NOVA1: variants seen among roughly 807,000 people sequenced by gnomAD.
NOVA1 encodes the protein NOVA alternative splicing regulator 1, also known as RNA-binding protein Nova-1.
Under a neutral mutation model 38.0 loss-of-function variants are expected in NOVA1, and 7 were observed. That is an observed-to-expected ratio of 0.18 (90% CI 0.10 to 0.35). NOVA1 has a LOEUF of 0.35. Among genes scored for constraint, NOVA1 ranks in the 10% least tolerant of loss-of-function variants. The probability of loss-of-function intolerance (pLI) is 1.00; values close to 1 mark genes in which losing one functional copy is unlikely to be tolerated. For missense variants in NOVA1, 460 were observed against 616.0 expected (o/e 0.75, Z 2.68); for synonymous variants, 270 against 232.5 (o/e 1.16, Z -1.47).
At chr14:26,502,225 A>G (rs1472554009) in intron 2 of NOVA1, among the ~76,000 whole-genome samples, 2 of 151,660 alleles carry the variant, frequency 1.3e-5, no homozygotes, top group Admixed American at 6.6e-5. Context: ...CTAATCATGG[A>G]TATTATATGG....
intron 2 of NOVA1, chr14:26,592,749 A>T (rs558076773): frequency 1.3e-4 from 19 of 151,886 alleles, no homozygotes; most frequent in African/African-American, 4.6e-4. Flanking sequence ...AAAACAAATA[A>T]GCATACAAGG....
At chr14:26,590,569 C>T (rs1018836275) in intron 2 of NOVA1, among the ~76,000 whole-genome samples, 18 of 151,748 alleles carry the variant, frequency 1.2e-4, no homozygotes, top group African/African-American at 4.4e-4. Context: ...GCAAAAAACT[C>T]CCAAACAATA....
chr14:26,549,829 G>C (rs887081274), intron 2 of NOVA1: 22 of 1,000,878 alleles, frequency 2.2e-5, no homozygotes, highest in Non-Finnish European at 2.9e-5. Context: ...CACCTCAGAA[G>C]TGGCTGCAAT....
intron 4 of NOVA1, among the ~76,000 whole-genome samples, chr14:26,467,503 T>C (rs1053158210): frequency 6.6e-6 from 1 of 152,084 alleles, no homozygotes; most frequent in Non-Finnish European, 1.5e-5. Flanking sequence ...GTAGAAGAAA[T>C]AGGGCATTAG....
In NOVA1 at chr14:26,448,885, G is replaced by T. The variant is rs1882364444; in HGVS notation, c.598C>A (p.Gln200Lys). 1 of 1,613,922 alleles carries T rather than the reference G, an allele frequency of 6.2e-7. No homozygotes were observed. ...GGATVKAVME[Q>K]SGAWVQLSQK... is the part of the protein sequence containing the mutation. The stretch of plus-strand genomic sequence containing the variant: ...GAAAGCTGCACCCAAGCCCCTGACT[G>T]CTCCATTACAGCCTTCACAGTAGCA... The change falls in exon 5 of 5, where the codon CAG becomes AAG. Residue 200 changes from glutamine to lysine, a missense_variant. Gln to Lys is a moderately conservative substitution (Grantham distance 53). Coordinates refer to ENST00000539517, the MANE Select transcript of NOVA1 (RefSeq NM_002515.3). The surrounding 1 kb of genome is among the most constrained non-coding windows in gnomAD (Gnocchi z 5.3).
At chr14:26,578,338 G>A (rs780857582) in intron 2 of NOVA1, among the ~76,000 whole-genome samples, 4 of 113,796 alleles carry the variant, frequency 3.5e-5, no homozygotes, top group Non-Finnish European at 5.6e-5. Flanking sequence ...ACAGGAAGTG[G>A]GATAAAAAGA....
chr14:26,597,153 G>A (rs1400494770), intron 1 of NOVA1, 148 bp downstream of exon 1: 5 of 1,172,454 alleles, frequency 4.3e-6, no homozygotes, highest in Non-Finnish European at 5.3e-6. Flanking sequence ...GGGGCGCGGG[G>A]CAGGGGCGCA....
chr14:26,567,469 T>C (rs966070644), intron 2 of NOVA1, among the ~76,000 whole-genome samples: 4 of 151,850 alleles, frequency 2.6e-5, no homozygotes, highest in Non-Finnish European at 5.9e-5. Context: ...TAATTCTGTT[T>C]ATTTTTTGTA....
chr14:26,494,098 C>T (rs1477581160), intron 2 of NOVA1, among the ~76,000 whole-genome samples: 1 of 152,166 alleles, frequency 6.6e-6, no homozygotes, highest in South Asian at 2.1e-4. Context: ...TCATAGTAAT[C>T]CATATATCTC....
At chr14:26,472,508 T>A in intron 3 of NOVA1, 117 bp from the exon 4 acceptor site, 1 of 450,700 alleles carries the variant, frequency 2.2e-6, no homozygotes, top group Non-Finnish European at 3.9e-6. Context: ...TATGAACAAA[T>A]TTTTCTCCTA....
intron 4 of NOVA1, chr14:26,472,114 T>G: frequency 2.1e-6 from 1 of 481,186 alleles, no homozygotes; most frequent in Non-Finnish European, 3.7e-6. Context: ...GTTTAATATC[T>G]GAATATAGTA....
intron 4 of NOVA1, among the ~76,000 whole-genome samples, chr14:26,452,769 GTTATGA>G (rs1285573573): frequency 1.3e-5 from 2 of 152,200 alleles, no homozygotes; most frequent in Non-Finnish European, 1.5e-5. Context: ...GCCCTTCAGA[GTTATGA>G]TTATATTTGC....
intron 2 of NOVA1, among the ~76,000 whole-genome samples, chr14:26,501,254 A>G (rs1227340174): frequency 6.6e-6 from 1 of 152,026 alleles, no homozygotes; most frequent in Non-Finnish European, 1.5e-5. Context: ...TTATTACTTG[A>G]GATTTTGACA....
At chr14:26,479,681 G>A (rs1885278185) in intron 3 of NOVA1, 2 of 371,440 alleles carry the variant, frequency 5.4e-6, no homozygotes, top group Non-Finnish European at 9.5e-6. Context: ...ATTTTAAACA[G>A]ATTCAATTCC....
At chr14:26,472,108 A>C in intron 4 of NOVA1, 1 of 470,812 alleles carries the variant, frequency 2.1e-6, no homozygotes. Flanking sequence ...AGAGTAGTTT[A>C]ATATCTGAAT....
intron 2 of NOVA1, among the ~76,000 whole-genome samples, chr14:26,500,196 G>A (rs975516972): frequency 1.3e-5 from 2 of 152,000 alleles, no homozygotes; most frequent in African/African-American, 2.4e-5. Flanking sequence ...TCACTAGCCT[G>A]TAGAGCTCAC....
At chr14:26,581,798 T>G (rs1159066969) in intron 2 of NOVA1, among the ~76,000 whole-genome samples, 2 of 151,874 alleles carry the variant, frequency 1.3e-5, no homozygotes, top group East Asian at 1.9e-4. Flanking sequence ...CACAATTTGA[T>G]GCAAATACAA....
chr14:26,517,820 C>A (rs1888580977), intron 2 of NOVA1, among the ~76,000 whole-genome samples: 1 of 152,116 alleles, frequency 6.6e-6, no homozygotes, highest in Non-Finnish European at 1.5e-5. Context: ...CAAGGACATC[C>A]TTTGAACCAC....
At chr14:26,471,245 T>G (rs1884563820) in intron 4 of NOVA1, among the ~76,000 whole-genome samples, 1 of 152,060 alleles carries the variant, frequency 6.6e-6, no homozygotes, top group African/African-American at 2.4e-5. Context: ...TATTTAAATC[T>G]TTCTTCAGGT....
Sources: gnomAD v4.1 joint callset for allele counts (sites outside exome capture counted in the v4.1 genomes callset) on GRCh38, gnomAD v4.1.1 for gene constraint, Gnocchi (gnomAD v3.1) non-coding constraint, MANE v1.5 for transcripts, NCBI Gene and HGNC (gene_info 2026-07-23, HGNC 2026-07-21) for gene names.